LMX1A: variants seen among roughly 807,000 people sequenced by gnomAD.
The protein encoded by LMX1A is LIM homeobox transcription factor 1-alpha.
LMX1A carries 15 observed loss-of-function variants against 49.1 expected under a neutral mutation model. That is an observed-to-expected ratio of 0.31 (90% CI 0.20 to 0.47). LMX1A has a LOEUF of 0.47. LMX1A is among the 20% of genes least tolerant of loss of function. The pLI is 1.00. For synonymous variants in LMX1A, 167 were observed against 185.7 expected (o/e 0.90, Z 0.82); for missense variants, 372 against 475.8 (o/e 0.78, Z 2.03).
chr1:165,260,988 TTATTCAA>T (rs2102647982), intron 3 of LMX1A, among the ~76,000 whole-genome samples: 1 of 152,344 alleles, frequency 6.6e-6, no homozygotes, highest in African/African-American at 2.4e-5. Context: ...TTCTGTGATC[TTATTCAA>T]TTACATTCAT....
chr1:165,318,997 T>TCACACACA (rs1313919903), intron 3 of LMX1A, among the ~76,000 whole-genome samples: 1 of 67,738 alleles, frequency 1.5e-5, no homozygotes, highest in African/African-American at 4.7e-5. Flanking sequence ...TCTCTCTCTC[T>TCACACACA]CTCACACACA....
At chr1:165,237,167 C>T (rs1049746895) in intron 4 of LMX1A, among the ~76,000 whole-genome samples, 8 of 152,214 alleles carry the variant, frequency 5.3e-5, no homozygotes, top group African/African-American at 1.7e-4. Flanking sequence ...TGAGTTAGTT[C>T]AGTCACTGCT....
At chr1:165,329,762 A>T (rs1655692543) in intron 3 of LMX1A, among the ~76,000 whole-genome samples, 1 of 152,136 alleles carries the variant, frequency 6.6e-6, no homozygotes, top group South Asian at 2.1e-4. Flanking sequence ...CACTCACTCA[A>T]CTCTCAAAAA....
At chr1:165,258,420 T>A (rs1267799588) in intron 3 of LMX1A, among the ~76,000 whole-genome samples, 1 of 152,132 alleles carries the variant, frequency 6.6e-6, no homozygotes, top group African/African-American at 2.4e-5. Flanking sequence ...GAGCACATGG[T>A]CCTGGGGTGG....
intron 3 of LMX1A, among the ~76,000 whole-genome samples, chr1:165,327,301 G>C (rs1254006845): frequency 1.3e-5 from 2 of 152,164 alleles, no homozygotes; most frequent in Admixed American, 1.3e-4. Flanking sequence ...CCAAACAATG[G>C]GCTAACTCTA....
chr1:165,266,885 G>A (rs1217775286), intron 3 of LMX1A, among the ~76,000 whole-genome samples: 1 of 152,132 alleles, frequency 6.6e-6, no homozygotes, highest in Non-Finnish European at 1.5e-5. Context: ...ACAGGCGTGA[G>A]CCACTGTGCC....
intron 3 of LMX1A, among the ~76,000 whole-genome samples, chr1:165,284,720 G>A (rs1654254720): frequency 1.3e-5 from 2 of 152,234 alleles, no homozygotes; most frequent in African/African-American, 2.4e-5. Context: ...AGCGCAAGCA[G>A]GTTTGCCAAC....
At chr1:165,310,441 CA>C (rs1398166450) in intron 3 of LMX1A, among the ~76,000 whole-genome samples, 1 of 152,158 alleles carries the variant, frequency 6.6e-6, no homozygotes, top group African/African-American at 2.4e-5. Context: ...ATTACAAAGT[CA>C]AAGTTGCCTC....
At chr1:165,254,707 C>T (rs1314796258) in intron 3 of LMX1A, among the ~76,000 whole-genome samples, 1 of 152,190 alleles carries the variant, frequency 6.6e-6, no homozygotes, top group Non-Finnish European at 1.5e-5. Flanking sequence ...CCTGTCTCTT[C>T]CTAATGCTCT....
intron 3 of LMX1A, among the ~76,000 whole-genome samples, chr1:165,260,611 T>C (rs1196948571): frequency 4.6e-5 from 7 of 152,196 alleles, no homozygotes; most frequent in Admixed American, 4.6e-4. Context: ...GAACTAAATT[T>C]ATTCTGAAAA....
chr1:165,288,682 T>A (rs761532954), intron 3 of LMX1A, among the ~76,000 whole-genome samples: 21 of 152,204 alleles, frequency 1.4e-4, no homozygotes, highest in Non-Finnish European at 3.1e-4. Context: ...CTGTATGAGG[T>A]ACACCGTGTG....
At chr1:165,297,260 G>T (rs1482670569) in intron 3 of LMX1A, among the ~76,000 whole-genome samples, 1 of 152,196 alleles carries the variant, frequency 6.6e-6, no homozygotes, top group Admixed American at 6.5e-5. Context: ...GTCTACCCTA[G>T]CAGCACATTA....
In LMX1A at chr1:165,312,840, G is replaced by A. The variant is rs542764588; in HGVS notation, c.263+40236C>T. Among the ~76,000 whole-genome samples the A allele has an allele frequency of 5.3e-5, 8 of 152,322 alleles. No individual in the cohort carries two copies. In the South Asian group the frequency reaches 1.7e-3, roughly 32 times the overall value. ...TGCAGATTCATTAGCAAAATAAATG[G>A]TGGCTGTTGTTTCCAGTTGCTAAAT... On this transcript the variant is annotated intron_variant, in intron 3 of 8. Transcript: ENST00000342310.
intron 3 of LMX1A, among the ~76,000 whole-genome samples, chr1:165,292,915 G>C (rs1557875614): frequency 6.6e-6 from 1 of 152,072 alleles, no homozygotes; most frequent in Non-Finnish European, 1.5e-5. Context: ...TCAGGAGATT[G>C]AGACCATCCT....
chr1:165,268,292 G>A (rs1653687849), intron 3 of LMX1A, among the ~76,000 whole-genome samples: 1 of 152,174 alleles, frequency 6.6e-6, no homozygotes. Flanking sequence ...ATAAACCAAA[G>A]CATTCATATT....
chr1:165,312,313 C>T (rs934420978), intron 3 of LMX1A, among the ~76,000 whole-genome samples: 3 of 152,168 alleles, frequency 2.0e-5, no homozygotes, highest in African/African-American at 7.2e-5. Context: ...TCCAGCTCTG[C>T]CCCTATTTGC....
rs1459615250 is a variant in LMX1A at position 165,282,262 on chromosome 1, C to A, written c.264-32622G>T. Among the ~76,000 whole-genome samples, 4 of 152,154 alleles carry A rather than the reference C, an allele frequency of 2.6e-5. No individual in the cohort carries two copies. In the East Asian group the frequency reaches 7.7e-4, roughly 29 times the overall value. ...TATCCAATTGCCTCTTTGACATCACCACCTGAATATACAGTCACCCCTCAA... is the reference window on the plus strand; with the variant it reads ...TATCCAATTGCCTCTTTGACATCACAACCTGAATATACAGTCACCCCTCAA... On this transcript the variant is annotated intron_variant, in intron 3 of 8. Coordinates refer to ENST00000342310, the MANE Select transcript of LMX1A (RefSeq NM_177398.4).
intron 3 of LMX1A, among the ~76,000 whole-genome samples, chr1:165,297,117 C>T (rs962091722): frequency 1.3e-5 from 2 of 152,220 alleles, no homozygotes; most frequent in African/African-American, 4.8e-5. Flanking sequence ...GCTTGGAACA[C>T]ACTAGGTCCT....
intron 3 of LMX1A, among the ~76,000 whole-genome samples, chr1:165,264,829 C>G (rs1653563556): frequency 6.6e-6 from 1 of 151,930 alleles, no homozygotes; most frequent in Non-Finnish European, 1.5e-5. Context: ...ATTACTTGAG[C>G]CCAGGAGGTC....
Sources: allele counts gnomAD v4.1 joint callset (sites outside exome capture counted in the v4.1 genomes callset), GRCh38; gene constraint gnomAD v4.1.1; transcripts MANE v1.5; gene names NCBI Gene and HGNC (gene_info 2026-07-23, HGNC 2026-07-21).